KLF13: variants seen among roughly 807,000 people sequenced by gnomAD.
KLF13 encodes the protein KLF transcription factor 13.
Under a neutral mutation model 16.7 loss-of-function variants are expected in KLF13, and 8 were observed. The observed-to-expected ratio is 0.48, with a 90% CI of 0.28 to 0.87. The LOEUF is 0.87. KLF13 is among the 40% of genes least tolerant of loss of function. The probability of loss-of-function intolerance (pLI) is 0.10; values close to 1 mark genes in which losing one functional copy is unlikely to be tolerated. For synonymous variants in KLF13, 245 were observed against 208.4 expected, an observed-to-expected ratio of 1.18 and a Z score of -1.51; for missense variants, 447 against 452.2, an observed-to-expected ratio of 0.99 and a Z score of 0.10.
intron 1 of KLF13, among the ~76,000 whole-genome samples, chr15:31,384,741 G>C (rs924131884): frequency 2.6e-5 from 4 of 152,138 alleles, no homozygotes; most frequent in African/African-American, 9.7e-5. Flanking sequence ...CCCAAAGGCT[G>C]TCCACACGTT....
upstream of KLF13, among the ~76,000 whole-genome samples, chr15:31,391,875 A>G (rs1056137153): frequency 1.3e-5 from 2 of 152,040 alleles, no homozygotes; most frequent in African/African-American, 2.4e-5. Flanking sequence ...GGAATTCGTG[A>G]ACTGCCGGCC....
chr15:31,412,051 C>T (rs941990575), intron 1 of KLF13, among the ~76,000 whole-genome samples: 2 of 152,122 alleles, frequency 1.3e-5, no homozygotes, highest in Non-Finnish European at 2.9e-5. Context: ...AAACTGAATT[C>T]CCCAATGTAA....
At chr15:31,328,173 G>T (rs530969436) in intron 1 of KLF13, among the ~76,000 whole-genome samples, 85 of 150,350 alleles carry the variant, frequency 5.7e-4, no homozygotes, top group African/African-American at 2.0e-3. Flanking sequence ...ACGGTGGGGC[G>T]CCCGGAGCGG....
At chr15:31,328,883 G>A (rs948482003) in intron 1 of KLF13, among the ~76,000 whole-genome samples, 1 of 152,322 alleles carries the variant, frequency 6.6e-6, no homozygotes, top group Non-Finnish European at 1.5e-5. Flanking sequence ...CTACCTTGGG[G>A]GCAGGCTCAA....
chr15:31,407,414 G>T (rs1448656369), downstream of KLF13, among the ~76,000 whole-genome samples: 2 of 152,208 alleles, frequency 1.3e-5, no homozygotes, highest in Non-Finnish European at 2.9e-5. Context: ...CATGGGCAGA[G>T]AAACAAGCTC....
At chr15:31,402,465 A>G (rs1366803775) in intron 2 of KLF13, among the ~76,000 whole-genome samples, 2 of 152,244 alleles carry the variant, frequency 1.3e-5, no homozygotes, top group African/African-American at 4.8e-5. Flanking sequence ...ACAAAGGCCC[A>G]GAGAAACAGT....
intron 1 of KLF13, among the ~76,000 whole-genome samples, chr15:31,425,413 T>C (rs1236147071): frequency 6.6e-6 from 1 of 152,242 alleles, no homozygotes. Context: ...AATAGTATGA[T>C]ACTGGCATAA....
chr15:31,341,750 A>T (rs2039025920), intron 1 of KLF13, among the ~76,000 whole-genome samples: 1 of 152,046 alleles, frequency 6.6e-6, no homozygotes, highest in Non-Finnish European at 1.5e-5. Context: ...CAGGATCCTC[A>T]CAGCCTGACC....
At chr15:31,364,543 C>T (rs920973765) in intron 1 of KLF13, among the ~76,000 whole-genome samples, 1 of 152,266 alleles carries the variant, frequency 6.6e-6, no homozygotes, top group Non-Finnish European at 1.5e-5. Flanking sequence ...GTTATCTCCT[C>T]CAAGCACCAC....
In KLF13 at chr15:31,327,438, C is replaced by A; in HGVS notation, c.226C>A (p.Pro76Thr). The A allele has an allele frequency of 8.0e-7, 1 of 1,251,856 alleles. No homozygotes were observed. 77.5% of individuals were successfully genotyped at this position (1,251,856 alleles called of 1,614,324 possible). A position where few individuals can be genotyped will look rare whatever the true frequency, so the allele number is the denominator to read the frequency against. ...CCTAGCGGACCTCAACCAGCAAGCG[C>A]CGGCGCCCGCCCCGGCGGAGCGCAG... ...RILADLNQQA[P>T]APAPAERREG... is the part of the protein sequence containing the mutation. Residue 76 changes from proline (P) to threonine (T), a missense_variant, in exon 1 of 2, where the codon CCG becomes ACG. Around this residue, in one of 2 missense-constraint regions of KLF13, gnomAD observed 359 missense variants for 282.8 expected, o/e 1.27. Coordinates refer to ENST00000307145, the MANE Select transcript of KLF13 (RefSeq NM_015995.4).
chr15:31,428,592 G>A (rs2040427104), intron 1 of KLF13, among the ~76,000 whole-genome samples: 1 of 152,056 alleles, frequency 6.6e-6, no homozygotes, highest in African/African-American at 2.4e-5. Flanking sequence ...AGATCACAAG[G>A]TCAGGAGATC....
intron 2 of KLF13, among the ~76,000 whole-genome samples, chr15:31,402,923 T>A (rs113457497): frequency 6.7e-4 from 99 of 148,518 alleles, no homozygotes; most frequent in African/African-American, 2.3e-3. Flanking sequence ...ACTCGTGAAC[T>A]GTTTTCTTCT....
chr15:31,358,977 TGCTTCTG>T (rs1251387552), intron 1 of KLF13, among the ~76,000 whole-genome samples: 1 of 152,228 alleles, frequency 6.6e-6, no homozygotes, highest in Non-Finnish European at 1.5e-5. Flanking sequence ...TCAGGGAAGA[TGCTTCTG>T]GCTTCCCCTG....
chr15:31,357,917 C>G (rs1039238984), intron 1 of KLF13, among the ~76,000 whole-genome samples: 4 of 152,134 alleles, frequency 2.6e-5, no homozygotes, highest in African/African-American at 9.7e-5. Context: ...ATTTTTGTTA[C>G]TCTCTTTCCC....
chr15:31,426,623 A>C (rs2141012865), intron 1 of KLF13, among the ~76,000 whole-genome samples: 1 of 152,326 alleles, frequency 6.6e-6, no homozygotes, highest in Admixed American at 6.5e-5. Context: ...AAAACGCATA[A>C]CCTGATTAAA....
In KLF13 at chr15:31,395,664, T is replaced by C. The variant is rs1035367986; in HGVS notation, n.529+1973T>C. On this transcript the variant is annotated intron_variant and non_coding_transcript_variant, in intron 2 of 2. Transcript: ENST00000500533. ...CCCAACACTTGTTACTGTCCTCCTT[T>C]TTGTTCATAGCCATCGTCACGGATG... Among the ~76,000 whole-genome samples, 19 of 152,350 alleles carry C rather than the reference T, an allele frequency of 1.2e-4. 1 individual carries two copies. In the South Asian group the frequency reaches 3.9e-3, roughly 32 times the overall value.
At chr15:31,340,969 A>G (rs963321991) in intron 1 of KLF13, among the ~76,000 whole-genome samples, 2 of 152,130 alleles carry the variant, frequency 1.3e-5, no homozygotes, top group Non-Finnish European at 2.9e-5. Context: ...TTCACGGGAG[A>G]CCCAGCGCCC....
intron 1 of KLF13, among the ~76,000 whole-genome samples, chr15:31,421,604 C>T (rs978489764): frequency 1.3e-5 from 2 of 151,814 alleles, no homozygotes; most frequent in Admixed American, 6.6e-5. Flanking sequence ...TATACTTAAT[C>T]CCCATGGTAA....
chr15:31,331,793 C>A (rs190709141), intron 1 of KLF13, among the ~76,000 whole-genome samples: 2 of 152,234 alleles, frequency 1.3e-5, no homozygotes, highest in Non-Finnish European at 2.9e-5. Flanking sequence ...ACCACTGTTA[C>A]CCCGCGTTGG....
Sources: allele counts gnomAD v4.1 joint callset (sites outside exome capture counted in the v4.1 genomes callset), GRCh38; gene constraint gnomAD v4.1.1; regional missense constraint gnomAD v4.1.1; transcripts MANE v1.5; gene names NCBI Gene and HGNC (gene_info 2026-07-23, HGNC 2026-07-21).